The following GATA4 variants were observed in gnomAD, a reference collection of about 807,000 sequenced individuals.
GATA4 encodes the protein GATA binding protein 4, also known as transcription factor GATA-4.
GATA4 carries 7 observed loss-of-function variants against 37.9 expected under a neutral mutation model. That is an observed-to-expected ratio of 0.18 (90% CI 0.11 to 0.35). GATA4 has a LOEUF of 0.35. Ranked by LOEUF, GATA4 falls within the 10% of genes least tolerant of loss-of-function variation. The pLI is 1.00. For missense variants in GATA4, 647 were observed against 653.0 expected (o/e 0.99, Z 0.10); for synonymous variants, 372 against 292.6 (o/e 1.27, Z -2.77).
At chr8:11,690,845 T>C (rs1799288207), upstream of GATA4, among the ~76,000 whole-genome samples, 1 of 152,204 alleles carries the variant, frequency 6.6e-6, no homozygotes, top group African/African-American at 2.4e-5. Flanking sequence ...CACTCCAACC[T>C]GGGTGAAAGG....
intron 2 of GATA4, among the ~76,000 whole-genome samples, chr8:11,722,049 T>C (rs1262830552): frequency 1.3e-5 from 2 of 152,216 alleles, no homozygotes; most frequent in Admixed American, 6.5e-5. Flanking sequence ...ACTCTCACTT[T>C]GTTGCCCACA....
At chr8:11,696,430 TG>T (rs59101592) in intron 1 of GATA4, among the ~76,000 whole-genome samples, 152,227 of 152,234 alleles carry the variant, frequency 1, 76,110 homozygotes, top group Non-Finnish European at 1. Context: ...TTAGTGTTGC[TG>T]GGGTGTTTGT....
At chr8:11,723,737 C>T (rs1403056112) in intron 2 of GATA4, among the ~76,000 whole-genome samples, 1 of 152,188 alleles carries the variant, frequency 6.6e-6, no homozygotes, top group South Asian at 2.1e-4. Context: ...TGTCTTCATA[C>T]TGATGCTTTC....
At chr8:11,720,947 A>G (rs1358061616) in intron 2 of GATA4, among the ~76,000 whole-genome samples, 1 of 152,104 alleles carries the variant, frequency 6.6e-6, no homozygotes, top group Non-Finnish European at 1.5e-5. Flanking sequence ...TTCACACCCC[A>G]GCTCCACATG....
At position 11,708,952 on chromosome 8, in the gene GATA4, G is replaced by A; in HGVS notation, c.616+24G>A. On this transcript the variant is annotated intron_variant, in intron 2 of 6. Coordinates refer to ENST00000532059, the MANE Select transcript of GATA4 (RefSeq NM_001308093.3). This position sits in a 1 kb window ranked among gnomAD's most constrained non-coding sequence, Gnocchi z 6.7. ...CGGTGAGTAGGAGCGCGAGGGCTGG[G>A]GCGCGTGAGGGCCGGGGCAGGGGCC... 6.6e-7 allele frequency: 1 copy of A among 1,517,376 alleles called. No homozygotes were observed. Among genetic ancestry groups the A allele is most frequent in the South Asian group, 1.2e-5 (1 of 82,622 alleles). The allele number at this position is 1,517,376 out of a possible 1,614,324, so 94.0% of individuals were successfully genotyped here.
chr8:11,750,376 C>A, intron 4 of GATA4, 140 bp downstream of exon 4: 1 of 1,168,198 alleles, frequency 8.6e-7, no homozygotes, highest in Non-Finnish European at 1.2e-6. Context: ...CTTTCAACTA[C>A]TTTGCTGGCC....
At position 11,709,599 on chromosome 8, in the gene GATA4, G is replaced by A. The variant is rs1800080550; in HGVS notation, c.616+671G>A. 6.7e-6 allele frequency among the ~76,000 whole-genome samples: 1 copy of A among 148,798 alleles called. No homozygotes were observed. The highest frequency in any genetic ancestry group is 1.5e-5 in the Non-Finnish European group (1 of 67,156). On this transcript the variant is annotated intron_variant, in intron 2 of 6. Transcript: ENST00000532059. The surrounding 1 kb of genome is among the most constrained non-coding windows in gnomAD (Gnocchi z 4.3). ...GCGGGGGGGGGGGCGCACACGCCCG[G>A]TCAGTGTCCGGGAACATAGGGACCT...
At chr8:11,702,148 A>G (rs1345303639), upstream of GATA4, among the ~76,000 whole-genome samples, 1 of 152,154 alleles carries the variant, frequency 6.6e-6, no homozygotes, top group East Asian at 1.9e-4. This position sits in a 1 kb window ranked among gnomAD's most constrained non-coding sequence, Gnocchi z 4.4. Context: ...CCGCACTACT[A>G]GGAGAAGCCG....
intron 5 of GATA4, 135 bp from the exon 6 acceptor site, chr8:11,756,800 A>C (rs1802590593): frequency 8.5e-7 from 1 of 1,173,052 alleles, no homozygotes; most frequent in Non-Finnish European, 1.3e-6. Flanking sequence ...CTCCGCAGAT[A>C]AGGACCTCTG....
chr8:11,748,801 T>C (rs1563227207), intron 2 of GATA4, 115 bp from the exon 3 acceptor site: 3 of 1,235,854 alleles, frequency 2.4e-6, no homozygotes, highest in Admixed American at 3.4e-5. Context: ...GGTGGTCTTC[T>C]CTTTCCAAGG....
intron 2 of GATA4, among the ~76,000 whole-genome samples, chr8:11,719,581 T>C (rs1356339145): frequency 1.3e-5 from 2 of 152,152 alleles, no homozygotes; most frequent in Non-Finnish European, 2.9e-5. Context: ...CATAAACCAA[T>C]GTAAAAATAA....
At chr8:11,756,844 A>T in intron 5 of GATA4, 91 bp from the exon 6 acceptor site, 1 of 1,552,256 alleles carries the variant, frequency 6.4e-7, no homozygotes, top group Non-Finnish European at 8.9e-7. Flanking sequence ...TAAAGCCATT[A>T]GCTTGCACCC....
At chr8:11,703,973 GT>G (rs1799778049), upstream of GATA4, among the ~76,000 whole-genome samples, 1 of 152,272 alleles carries the variant, frequency 6.6e-6, no homozygotes, top group Non-Finnish European at 1.5e-5. Flanking sequence ...CTCCGGCTGG[GT>G]TGCGGGTGAT....
chr8:11,692,670 G>A, intron 1 of GATA4: 1 of 985,214 alleles, frequency 1.0e-6, no homozygotes, highest in Non-Finnish European at 1.2e-6. Context: ...GGTGCGTGCG[G>A]GGGTGCGGGG....
rs1554488912 is a variant in GATA4 at position 11,709,577 on chromosome 8, G to GGGGGGGGGGC, written c.616+651_616+660dup. Among the ~76,000 whole-genome samples the GGGGGGGGGGC allele has an allele frequency of 8.8e-5, 12 of 136,462 alleles. No individual in the cohort carries two copies. The highest frequency in any genetic ancestry group is 3.7e-3 in the Middle Eastern group (1 of 272). The allele number at this position is 136,462 out of a possible 152,430, so 89.5% of individuals were successfully genotyped here. ...GCGTGGGCGCATCATGCGGGCAGCG[G>GGGGGGGGGGC]GGGGGGGGGCGCACACGCCCGGTCA... On this transcript the variant is annotated intron_variant, in intron 2 of 6. Transcript: ENST00000532059. The surrounding 1 kb of genome is among the most constrained non-coding windows in gnomAD (Gnocchi z 4.3).
intron 2 of GATA4, among the ~76,000 whole-genome samples, chr8:11,748,255 A>C (rs368634256): frequency 1.3e-5 from 2 of 151,924 alleles, no homozygotes; most frequent in East Asian, 3.9e-4. Flanking sequence ...GGCTGGGCAC[A>C]GTGGCTCATG....
At chr8:11,726,513 A>T (rs1452771082) in intron 2 of GATA4, among the ~76,000 whole-genome samples, 3 of 152,168 alleles carry the variant, frequency 2.0e-5, no homozygotes, top group Non-Finnish European at 2.9e-5. Context: ...TCCCAGGGAC[A>T]GGGGGACAGG....
intron 1 of GATA4, among the ~76,000 whole-genome samples, chr8:11,704,892 C>G (rs1335295002): frequency 6.6e-6 from 1 of 152,222 alleles, no homozygotes; most frequent in Non-Finnish European, 1.5e-5. Context: ...GGTCCAGGGA[C>G]TGAATGCTCC....
At chr8:11,732,755 C>T (rs531683186) in intron 2 of GATA4, among the ~76,000 whole-genome samples, 1 of 152,254 alleles carries the variant, frequency 6.6e-6, no homozygotes, top group Admixed American at 6.5e-5. Flanking sequence ...TCCCTTTCCT[C>T]CCCGAAGACC....
Sources: allele counts gnomAD v4.1 joint callset (sites outside exome capture counted in the v4.1 genomes callset), GRCh38; gene constraint gnomAD v4.1.1; non-coding constraint Gnocchi (gnomAD v3.1); transcripts MANE v1.5; gene names NCBI Gene and HGNC (gene_info 2026-07-23, HGNC 2026-07-21).